ANKEF1: variants seen among roughly 807,000 people sequenced by gnomAD.
ANKEF1 encodes the protein ankyrin repeat and EF-hand domain-containing protein 1.
ANKEF1 carries 43 observed loss-of-function variants against 65.1 expected under a neutral mutation model. The observed-to-expected ratio is 0.66, with a 90% CI of 0.52 to 0.85. The LOEUF is 0.85. ANKEF1 is among the 40% of genes least tolerant of loss of function. The pLI, the probability that ANKEF1 is intolerant of heterozygous loss-of-function variation, is 0.00. For missense variants in ANKEF1, 934 were observed against 952.9 expected, an observed-to-expected ratio of 0.98 and a Z score of 0.26; for synonymous variants, 316 against 341.5, an observed-to-expected ratio of 0.93 and a Z score of 0.82.
intron 8 of ANKEF1, among the ~76,000 whole-genome samples, chr20:10,052,343 T>C (rs1045160975): frequency 5.9e-5 from 9 of 152,174 alleles, no homozygotes; most frequent in Admixed American, 2.6e-4. Context: ...TACACTGTTA[T>C]GACTGTTAAT....
rs1984302268 is a variant in ANKEF1 at position 10,043,273 on chromosome 20, G to A, written c.498G>A (p.Val166=). ...ACEDAHDVKD[V]CLTFLEKGAN... ...AAGATGCACATGATGTTAAAGATGTGTGCCTGACATTTTTGGAAAAAGGAG... is the reference window on the plus strand; with the variant it reads ...AAGATGCACATGATGTTAAAGATGTATGCCTGACATTTTTGGAAAAAGGAG... The change falls in exon 4 of 11, where the codon GTG becomes GTA. Residue 166 remains valine (V), a synonymous_variant. Transcript: ENST00000378392. 6.2e-7 allele frequency: 1 copy of A among 1,614,156 alleles called. No homozygotes were observed. The highest frequency in any genetic ancestry group is 8.5e-7 in the Non-Finnish European group (1 of 1,180,024).
At chr20:10,040,843 G>A (rs918519489) in intron 3 of ANKEF1, among the ~76,000 whole-genome samples, 2 of 152,052 alleles carry the variant, frequency 1.3e-5, no homozygotes, top group Non-Finnish European at 2.9e-5. Flanking sequence ...CAGCCTCCTC[G>A]GGTATTATGC....
rs1985099611 is a variant in ANKEF1 at position 10,055,543 on chromosome 20, G to T, written c.2214G>T (p.Lys738Asn). 6 of 1,613,694 alleles carry T rather than the reference G, an allele frequency of 3.7e-6. No homozygotes were observed. The highest frequency in any genetic ancestry group is 2.7e-5 in the African/African-American group (2 of 74,898). The change falls in exon 11 of 11, where the codon AAG (lysine) becomes AAT (asparagine). Residue 738 changes from lysine to asparagine, a missense_variant. Coordinates refer to ENST00000378392, the MANE Select transcript of ANKEF1 (RefSeq NM_022096.6). ...PEATTAELIRKRELRRERFTH... is the reference protein window; with the variant it reads ...PEATTAELIRNRELRRERFTH... The stretch of plus-strand genomic sequence containing the variant: ...CCACAACAGCAGAGCTGATCAGGAA[G>T]AGGGAACTACGGCGAGAGAGGTTTA...
chr20:10,038,864 ATATACT>A (rs1266720386), intron 3 of ANKEF1, among the ~76,000 whole-genome samples: 1 of 152,250 alleles, frequency 6.6e-6, no homozygotes, highest in Non-Finnish European at 1.5e-5. Context: ...GAGCTTGCTC[ATATACT>A]TAGATTAATT....
Position 10,043,617 on chromosome 20 carries a change from T to C in ANKEF1, c.546+296T>C, listed in dbSNP as rs144474458. Reference sequence around the variant, plus strand: ...AGGATTTATCTTCTTAGAAAGAAAATATATAGTTCTGCTGTTTCTTTTCTT... The same window carrying C: ...AGGATTTATCTTCTTAGAAAGAAAACATATAGTTCTGCTGTTTCTTTTCTT... On this transcript the variant is annotated intron_variant, in intron 4 of 10. Transcript: ENST00000378392. Among the ~76,000 whole-genome samples the C allele has an allele frequency of 5.9e-3, 885 of 150,834 alleles. 7 individuals are homozygous for C. Among genetic ancestry groups the C allele is most frequent in the African/African-American group, 0.021 (862 of 41,154 alleles).
At chr20:10,054,711 T>A in intron 10 of ANKEF1, 112 bp downstream of exon 10, 1 of 1,130,906 alleles carries the variant, frequency 8.8e-7, no homozygotes, top group Non-Finnish European at 1.2e-6. Flanking sequence ...TCTTTCATAG[T>A]TACTACTTGT....
At chr20:10,052,032 A>C in intron 8 of ANKEF1, 143 bp downstream of exon 8, 1 of 626,262 alleles carries the variant, frequency 1.6e-6, no homozygotes, top group Non-Finnish European at 2.6e-6. Flanking sequence ...AATGTTATGG[A>C]AGTTTATCTT....
intron 2 of ANKEF1, among the ~76,000 whole-genome samples, chr20:10,037,867 C>T (rs1407651095): frequency 6.6e-6 from 1 of 152,274 alleles, no homozygotes; most frequent in East Asian, 1.9e-4. Context: ...GTTTTTATAA[C>T]ACCTTAAAAC....
intron 7 of ANKEF1, 102 bp downstream of exon 7, chr20:10,050,314 TATTA>T: frequency 1.1e-6 from 1 of 874,968 alleles, no homozygotes; most frequent in Non-Finnish European, 1.7e-6. Flanking sequence ...AGTGCTACTT[TATTA>T]AAGTCTATAA....
chr20:10,051,187 T>C (rs1341497358), intron 7 of ANKEF1, among the ~76,000 whole-genome samples: 1 of 152,192 alleles, frequency 6.6e-6, no homozygotes, highest in Non-Finnish European at 1.5e-5. Context: ...ATCTTATTAG[T>C]ACTTTAATGT....
chr20:10,035,845 C>G (rs981754658), intron 2 of ANKEF1, among the ~76,000 whole-genome samples: 1 of 152,198 alleles, frequency 6.6e-6, no homozygotes, highest in African/African-American at 2.4e-5. Flanking sequence ...CACAGATTCC[C>G]ACAGATTTTC....
chr20:10,055,446 T>A, intron 10 of ANKEF1, 56 bp from the exon 11 acceptor site: 1 of 1,510,462 alleles, frequency 6.6e-7, no homozygotes, highest in Non-Finnish European at 9.1e-7. Context: ...GATATTAGCA[T>A]ATTTACTGGC....
chr20:10,049,277 G>T (rs1217552639), intron 6 of ANKEF1, 113 bp from the exon 7 acceptor site: 25 of 993,276 alleles, frequency 2.5e-5, no homozygotes, highest in Non-Finnish European at 3.6e-5. Flanking sequence ...ATATAATTTG[G>T]GGACACATTT....
Position 10,049,715 on chromosome 20 carries a change from T to G in ANKEF1, c.1146T>G (p.His382Gln), listed in dbSNP as rs2122260313. 1 of 1,614,096 alleles carries G rather than the reference T, an allele frequency of 6.2e-7. No individual in the cohort carries two copies. Among genetic ancestry groups the G allele is most frequent in the South Asian group, 1.1e-5 (1 of 91,084 alleles). Residue 382 changes from histidine to glutamine, a missense_variant, in exon 7 of 11, where the codon CAT (histidine) becomes CAG (glutamine). His to Gln is a conservative substitution (Grantham distance 24, BLOSUM62 0). Transcript: ENST00000378392. ...AGCTGGCTGCCATCGCTCACCTTCATGAGAAAACCCGGGGAGGAGGGGTCA... is the reference window on the plus strand; with the variant it reads ...AGCTGGCTGCCATCGCTCACCTTCAGGAGAAAACCCGGGGAGGAGGGGTCA... ...SEQLAAIAHL[H>Q]EKTRGGGVNI...
intron 2 of ANKEF1, among the ~76,000 whole-genome samples, chr20:10,036,010 A>G (rs1305177316): frequency 1.3e-5 from 2 of 152,208 alleles, no homozygotes; most frequent in African/African-American, 2.4e-5. Context: ...AGGATCCTAT[A>G]TGCTGCTCAA....
chr20:10,049,756 T>C lies in ANKEF1; in HGVS notation c.1187T>C (p.Phe396Ser), dbSNP rs1337661518. ...RGGGVNINEF[F>S]KGTRYLNKSF... ...GGAGGGGTCAATATTAATGAATTCT[T>C]TAAAGGAACCAGATATTTAAACAAG... Residue 396 changes from phenylalanine (F) to serine (S), a missense_variant, in exon 7 of 11, where the codon TTT becomes TCT. By Grantham distance (155) the Phe-to-Ser change is radical. Transcript: ENST00000378392. 6.2e-7 allele frequency: 1 copy of C among 1,614,094 alleles called. No homozygotes were observed. The highest frequency in any genetic ancestry group is 1.7e-5 in the Admixed American group (1 of 60,020).
intron 5 of ANKEF1, 127 bp downstream of exon 5, chr20:10,044,670 A>G (rs1984406237): frequency 1.3e-6 from 1 of 762,984 alleles, no homozygotes; most frequent in Non-Finnish European, 1.9e-6. Context: ...TGTTGTTTTC[A>G]TCTTGATTTC....
Position 10,050,194 on chromosome 20 carries a change from A to C in ANKEF1, c.1625A>C (p.Lys542Thr), listed in dbSNP as rs1414498294. 6.2e-7 allele frequency: 1 copy of C among 1,608,022 alleles called. No homozygotes were observed. Among genetic ancestry groups the C allele is most frequent in the East Asian group, 2.2e-5 (1 of 44,786 alleles). ...ACASGNIDVV[K>T]FLLEKGANVN... The stretch of plus-strand genomic sequence containing the variant: ...GCAAGTGGAAACATAGATGTGGTCA[A>C]GTTTCTTCTTGAAAAAGGGTACGCG... Residue 542 changes from lysine (K) to threonine (T), a missense_variant, in exon 7 of 11, where the codon AAG becomes ACG. By Grantham distance (78) the Lys-to-Thr change is moderately conservative. Coordinates refer to ENST00000378392, the MANE Select transcript of ANKEF1 (RefSeq NM_022096.6).
At position 10,055,008 on chromosome 20, in the gene ANKEF1, G is replaced by A. The variant is rs1042737483; in HGVS notation, c.2172+409G>A. On this transcript the variant is annotated intron_variant, in intron 10 of 10. Transcript: ENST00000378392. ...AGACTGGATTTATTCAGTAGCTTCC[G>A]AAAACCTCCACAACTAAAGAGGTGG... 3.3e-5 allele frequency among the ~76,000 whole-genome samples: 5 copies of A among 152,200 alleles called. No individual in the cohort carries two copies. In the South Asian group the frequency reaches 6.2e-4, roughly 19 times the overall value.
Sources: allele counts gnomAD v4.1 joint callset (sites outside exome capture counted in the v4.1 genomes callset), GRCh38; gene constraint gnomAD v4.1.1; transcripts MANE v1.5; gene names NCBI Gene and HGNC (gene_info 2026-07-23, HGNC 2026-07-21).